Variants in SEMA4D observed in about 807,000 individuals in gnomAD.
The protein encoded by SEMA4D is semaphorin 4D, also known as semaphorin-4D.
In SEMA4D, 22 loss-of-function variants were observed where a neutral mutation model predicts 74.8. The ratio of observed to expected loss-of-function variants is 0.29; its 90% CI spans 0.21 to 0.42. The LOEUF is 0.42. Among genes scored for constraint, SEMA4D ranks in the 10% least tolerant of loss-of-function variants. The pLI is 1.00. For synonymous variants in SEMA4D, 445 were observed against 463.7 expected (o/e 0.96, Z 0.52); for missense variants, 937 against 1,118.4 (o/e 0.84, Z 2.31).
chr9:89,454,081 T>C (rs1443462333), intron 2 of SEMA4D, among the ~76,000 whole-genome samples: 1 of 152,088 alleles, frequency 6.6e-6, no homozygotes, highest in Non-Finnish European at 1.5e-5. Context: ...ATGGTCTCGA[T>C]AGAATATATG....
chr9:89,394,416 G>A (rs1007884216), intron 6 of SEMA4D, among the ~76,000 whole-genome samples: 5 of 152,234 alleles, frequency 3.3e-5, no homozygotes, highest in Non-Finnish European at 2.9e-5. Flanking sequence ...GTGGACAAAC[G>A]AGTGAGAAAG....
At chr9:89,441,916 G>A (rs1019391165) in intron 2 of SEMA4D, among the ~76,000 whole-genome samples, 5 of 152,158 alleles carry the variant, frequency 3.3e-5, no homozygotes, top group African/African-American at 9.7e-5. Context: ...TCATGGCCAC[G>A]CCCATGTTTG....
intron 1 of SEMA4D, among the ~76,000 whole-genome samples, chr9:89,477,144 C>T (rs912904882): frequency 2.0e-5 from 3 of 152,116 alleles, no homozygotes; most frequent in Non-Finnish European, 2.9e-5. Context: ...AGAAACTCTC[C>T]CAGAATGCAG....
intron 2 of SEMA4D, among the ~76,000 whole-genome samples, chr9:89,440,265 C>T (rs188023052): frequency 1.8e-3 from 269 of 152,290 alleles, no homozygotes; most frequent in African/African-American, 5.2e-3. Context: ...GTGACCACAA[C>T]GCCTTCCCTC....
At chr9:89,369,039 C>G (rs899354081) in intron 16 of SEMA4D, 2 of 152,286 alleles carry the variant, frequency 1.3e-5, no homozygotes, top group Admixed American at 1.3e-4. Context: ...GCTGCCTCAT[C>G]TAACATGCGA....
intron 1 of SEMA4D, among the ~76,000 whole-genome samples, chr9:89,493,531 C>G (rs1236030612): frequency 1.3e-5 from 2 of 152,198 alleles, no homozygotes; most frequent in African/African-American, 2.4e-5. Context: ...GCAGGCCTAA[C>G]GGGAAACTTT....
chr9:89,380,960 A>C, intron 15 of SEMA4D, 95 bp downstream of exon 15: 2 of 1,466,980 alleles, frequency 1.4e-6, no homozygotes, highest in Non-Finnish European at 1.9e-6. Context: ...AAAGAAAAAC[A>C]AAACACACAC....
intron 2 of SEMA4D, among the ~76,000 whole-genome samples, chr9:89,441,417 A>G (rs1473233828): frequency 2.0e-5 from 3 of 152,256 alleles, no homozygotes; most frequent in Admixed American, 1.3e-4. Flanking sequence ...ACAGAGCCCA[A>G]TGTGTCTGGG....
chr9:89,464,103 G>C (rs1858046079), intron 1 of SEMA4D, among the ~76,000 whole-genome samples: 1 of 152,098 alleles, frequency 6.6e-6, no homozygotes, highest in Non-Finnish European at 1.5e-5. Context: ...AAAATGGAGA[G>C]TGTGACTCAC....
chr9:89,474,899 C>G (rs893779848), intron 1 of SEMA4D, among the ~76,000 whole-genome samples: 1 of 152,250 alleles, frequency 6.6e-6, no homozygotes, highest in African/African-American at 2.4e-5. Flanking sequence ...GCAGAGGCCC[C>G]TGGTGTCCCA....
At chr9:89,427,958 G>A (rs1163455861) in intron 2 of SEMA4D, among the ~76,000 whole-genome samples, 6 of 152,190 alleles carry the variant, frequency 3.9e-5, no homozygotes, top group Non-Finnish European at 8.8e-5. Context: ...CAGGAAGGAG[G>A]TGTGTTTCCC....
At chr9:89,470,090 G>A (rs1859794315) in intron 1 of SEMA4D, among the ~76,000 whole-genome samples, 2 of 152,180 alleles carry the variant, frequency 1.3e-5, no homozygotes, top group South Asian at 2.1e-4. Flanking sequence ...CATAAAAGTG[G>A]TCATATTTCT....
At chr9:89,483,221 A>G (rs1385707091) in intron 1 of SEMA4D, among the ~76,000 whole-genome samples, 1 of 152,258 alleles carries the variant, frequency 6.6e-6, no homozygotes, top group African/African-American at 2.4e-5. Context: ...GGCAAGACCA[A>G]GGGAGCCAGG....
At chr9:89,497,007 G>A (rs1230653857) in intron 1 of SEMA4D, among the ~76,000 whole-genome samples, 1 of 152,196 alleles carries the variant, frequency 6.6e-6, no homozygotes. Context: ...CAAAAGCAAA[G>A]CAACTTCATG....
chr9:89,398,623 T>A (rs550468826), intron 5 of SEMA4D, among the ~76,000 whole-genome samples: 1 of 152,318 alleles, frequency 6.6e-6, no homozygotes, highest in Admixed American at 6.5e-5. Context: ...ACTGAGCTTA[T>A]AACACACCAC....
rs775553122 is a variant in SEMA4D, at chr9:89,448,431, T to C, written c.-244+7457A>G. ...GACCCAGGGCAGGAGCTCAGTGAAC[T>C]GTGCATGACAGGCCATGGAGGACCC... On this transcript the variant is annotated intron_variant, in intron 2 of 15. Coordinates refer to ENST00000422704, the MANE Select transcript of SEMA4D (RefSeq NM_001371194.2). Among the ~76,000 whole-genome samples the C allele has an allele frequency of 5.7e-4, 87 of 152,340 alleles. 1 individual carries two copies. The highest frequency in any genetic ancestry group is 4.3e-4 in the Non-Finnish European group (29 of 68,030).
chr9:89,390,678 G>A (rs1386545980), intron 9 of SEMA4D, among the ~76,000 whole-genome samples: 1 of 152,190 alleles, frequency 6.6e-6, no homozygotes, highest in Admixed American at 6.5e-5. Flanking sequence ...GGACATGGCG[G>A]CTGTGTTTCA....
intron 15 of SEMA4D, 25 bp from the exon 16 acceptor site, chr9:89,379,654 C>T: frequency 6.3e-7 from 1 of 1,579,560 alleles, no homozygotes; most frequent in Non-Finnish European, 8.6e-7. Context: ...TAAACGTGCA[C>T]AGCGTCAACA....
chr9:89,393,753 C>G, intron 6 of SEMA4D, 98 bp from the exon 7 acceptor site: 1 of 948,534 alleles, frequency 1.1e-6, no homozygotes, highest in South Asian at 1.4e-5. Flanking sequence ...TTGCTCTTCT[C>G]GGAAGACCAA....
Sources: gnomAD v4.1 joint callset for allele counts (sites outside exome capture counted in the v4.1 genomes callset) on GRCh38, gnomAD v4.1.1 for gene constraint, MANE v1.5 for transcripts, NCBI Gene and HGNC (gene_info 2026-07-23, HGNC 2026-07-21) for gene names.